Variants in DISP1 observed in about 807,000 individuals in gnomAD.
DISP1 encodes dispatched RND transporter family member 1.
DISP1 carries 30 observed loss-of-function variants against 37.3 expected under a neutral mutation model. The observed-to-expected ratio is 0.80, with a 90% CI of 0.60 to 1.09. The LOEUF (loss-of-function observed/expected upper bound fraction) is 1.09. Ranked by LOEUF, DISP1 falls within the 50% of genes least tolerant of loss-of-function variation. The pLI, the probability that DISP1 is intolerant of heterozygous loss-of-function variation, is 0.00. For missense variants in DISP1, 1,598 were observed against 1,879.5 expected (o/e 0.85, Z 2.77); for synonymous variants, 634 against 690.2 (o/e 0.92, Z 1.28).
intron 1 of DISP1, among the ~76,000 whole-genome samples, chr1:222,885,681 C>G (rs1016172895): frequency 2.0e-5 from 3 of 151,972 alleles, no homozygotes; most frequent in South Asian, 2.1e-4. Context: ...TGCTATGTTG[C>G]CCGGGCTCCT....
At chr1:222,903,745 T>C (rs1181292389) in intron 1 of DISP1, among the ~76,000 whole-genome samples, 1 of 152,176 alleles carries the variant, frequency 6.6e-6, no homozygotes, top group Non-Finnish European at 1.5e-5. Flanking sequence ...ATCATAGATA[T>C]TTGACATTGC....
intron 1 of DISP1, among the ~76,000 whole-genome samples, chr1:222,825,329 A>G (rs1208074221): frequency 1.3e-5 from 2 of 152,324 alleles, no homozygotes; most frequent in South Asian, 2.1e-4. Flanking sequence ...CATAATATAT[A>G]TGTATATGAA....
At chr1:222,987,163 A>G (rs1678340351) in intron 4 of DISP1, among the ~76,000 whole-genome samples, 1 of 151,998 alleles carries the variant, frequency 6.6e-6, no homozygotes, top group Admixed American at 6.6e-5. Flanking sequence ...TTTTATCTTC[A>G]TATTACAACC....
At chr1:222,831,717 G>T (rs1439875101) in intron 1 of DISP1, among the ~76,000 whole-genome samples, 1 of 152,198 alleles carries the variant, frequency 6.6e-6, no homozygotes, top group Non-Finnish European at 1.5e-5. Flanking sequence ...AGGTGTGGGG[G>T]ACAAAGTACC....
At chr1:222,958,226 A>T (rs1187883967) in intron 3 of DISP1, among the ~76,000 whole-genome samples, 2 of 152,206 alleles carry the variant, frequency 1.3e-5, no homozygotes, top group Non-Finnish European at 2.9e-5. Flanking sequence ...GTCTTTTAAC[A>T]CATCTTCTCA....
At chr1:222,977,736 C>T (rs1454947328) in intron 3 of DISP1, among the ~76,000 whole-genome samples, 3 of 151,660 alleles carry the variant, frequency 2.0e-5, no homozygotes, top group Admixed American at 6.6e-5. Flanking sequence ...CTTCCTGTGT[C>T]CATGTGTTCT....
intron 2 of DISP1, among the ~76,000 whole-genome samples, chr1:222,931,924 A>G (rs996300906): frequency 2.6e-5 from 4 of 151,920 alleles, no homozygotes; most frequent in Non-Finnish European, 5.9e-5. Context: ...CAAAGTCTGC[A>G]CTGTTGTCTT....
At chr1:222,871,343 T>G (rs1669560532) in intron 1 of DISP1, among the ~76,000 whole-genome samples, 1 of 152,216 alleles carries the variant, frequency 6.6e-6, no homozygotes, top group Non-Finnish European at 1.5e-5. Flanking sequence ...CATTGGTAGC[T>G]TGATGGGGGT....
At chr1:222,848,446 T>TA (rs139630263) in intron 1 of DISP1, among the ~76,000 whole-genome samples, 3 of 151,910 alleles carry the variant, frequency 2.0e-5, no homozygotes, top group South Asian at 2.1e-4. Context: ...AGTGGCTTTT[T>TA]AAAAAAAATA....
intron 1 of DISP1, among the ~76,000 whole-genome samples, chr1:222,881,470 A>C (rs183621763): frequency 6.6e-6 from 1 of 152,342 alleles, no homozygotes; most frequent in East Asian, 1.9e-4. Context: ...TGCTGGGATT[A>C]CAGACATGAG....
chr1:222,962,740 A>G (rs1056617344), intron 3 of DISP1, among the ~76,000 whole-genome samples: 2 of 152,248 alleles, frequency 1.3e-5, no homozygotes, highest in East Asian at 1.9e-4. Flanking sequence ...CAGAAAACTG[A>G]AAGTAGACCC....
At chr1:222,821,634 G>A (rs1662955795) in intron 1 of DISP1, among the ~76,000 whole-genome samples, 1 of 152,122 alleles carries the variant, frequency 6.6e-6, no homozygotes, top group South Asian at 2.1e-4. Context: ...GCAGCACTTT[G>A]GGAGGCTGAG....
intron 1 of DISP1, among the ~76,000 whole-genome samples, chr1:222,873,983 T>G (rs1669778800): frequency 6.6e-6 from 1 of 152,168 alleles, no homozygotes; most frequent in Admixed American, 6.5e-5. Context: ...TGACAAAATC[T>G]CTCAGCATTT....
chr1:222,870,549 A>C lies in DISP1; in HGVS notation c.-159+55471A>C, dbSNP rs531078327. On this transcript the variant is annotated intron_variant, in intron 1 of 8. Transcript: ENST00000675850. ...ATTTCTCTCATGGCCAGTGATGATG[A>C]GCATTTTTTCATGTGTTTTTTGGCT... Among the ~76,000 whole-genome samples, 971 of 152,292 alleles carry C rather than the reference A, an allele frequency of 6.4e-3. 12 individuals carry two copies. Among genetic ancestry groups the C allele is most frequent in the African/African-American group, 0.022 (934 of 41,548 alleles).
chr1:222,913,550 A>G (rs115882662), intron 1 of DISP1, among the ~76,000 whole-genome samples: 2,462 of 152,204 alleles, frequency 0.016, 42 homozygotes, highest in South Asian at 0.031. Flanking sequence ...ACTCTCTGCT[A>G]TTACTCCTTA....
At chr1:222,858,999 A>G (rs1351277867) in intron 1 of DISP1, among the ~76,000 whole-genome samples, 1 of 152,246 alleles carries the variant, frequency 6.6e-6, no homozygotes, top group African/African-American at 2.4e-5. Flanking sequence ...CCAAAGGAAT[A>G]TAAATCATTC....
chr1:222,845,505 A>G (rs957790522), intron 1 of DISP1, among the ~76,000 whole-genome samples: 14 of 152,232 alleles, frequency 9.2e-5, no homozygotes, highest in Admixed American at 7.9e-4. Context: ...TCCCACAAAT[A>G]TTAAATCTAT....
intron 1 of DISP1, chr1:222,827,282 G>C (rs1293789209): frequency 6.6e-6 from 1 of 152,142 alleles, no homozygotes; most frequent in Non-Finnish European, 1.5e-5. Flanking sequence ...TGTACAGATG[G>C]TGGAATTCTG....
chr1:222,876,843 T>C (rs902485702), intron 1 of DISP1, among the ~76,000 whole-genome samples: 2 of 152,152 alleles, frequency 1.3e-5, no homozygotes, highest in Non-Finnish European at 2.9e-5. Context: ...TTGGGGAAAC[T>C]CCATTGTACT....
Sources: gnomAD v4.1 joint callset for allele counts (sites outside exome capture counted in the v4.1 genomes callset) on GRCh38, gnomAD v4.1.1 for gene constraint, MANE v1.5 for transcripts, NCBI Gene and HGNC (gene_info 2026-07-23, HGNC 2026-07-21) for gene names.